Variants in AKNAD1 observed in about 807,000 individuals in gnomAD.
AKNAD1 encodes AKNA domain containing 1.
In AKNAD1, 67 loss-of-function variants were observed where a neutral mutation model predicts 90.8. The ratio of observed to expected loss-of-function variants is 0.74; its 90% CI spans 0.61 to 0.90. The LOEUF (loss-of-function observed/expected upper bound fraction) is 0.90. Among genes scored for constraint, AKNAD1 ranks in the 40% least tolerant of loss-of-function variants. The pLI is 0.00. For synonymous variants in AKNAD1, 327 were observed against 341.4 expected, an observed-to-expected ratio of 0.96 and a Z score of 0.46; for missense variants, 957 against 975.4, an observed-to-expected ratio of 0.98 and a Z score of 0.25.
chr1:108,834,434 T>C lies in AKNAD1; in HGVS notation c.1746+13A>G. 6.2e-7 allele frequency: 1 copy of C among 1,601,874 alleles called. No individual in the cohort carries two copies. Among genetic ancestry groups the C allele is most frequent in the Non-Finnish European group, 8.5e-7 (1 of 1,173,728 alleles). The stretch of plus-strand genomic sequence containing the variant: ...GAGAAGAACCCAGCCAGGCCCCGGC[T>C]GCAGGACATTACCCCAGAGTTAGAA... On this transcript the variant is annotated intron_variant, in intron 9 of 15. Coordinates refer to ENST00000370001, the MANE Select transcript of AKNAD1 (RefSeq NM_152763.5).
At chr1:108,823,521 G>A in intron 12 of AKNAD1, 44 bp from the exon 13 acceptor site, 1 of 1,611,336 alleles carries the variant, frequency 6.2e-7, no homozygotes, top group Non-Finnish European at 8.5e-7. Flanking sequence ...CCTGGGAACA[G>A]TGACTGTCCC....
At chr1:108,857,424 A>C (rs12037380), upstream of AKNAD1, 2,145 of 153,188 alleles carry the variant, frequency 0.014, 33 homozygotes, top group South Asian at 0.058. Flanking sequence ...CTCAATTAAG[A>C]ATTTCTACAG....
rs567888339 is a variant in AKNAD1 at position 108,842,582 on chromosome 1, C to T, written c.1379+552G>A. Reference sequence around the variant, plus strand: ...TTTATCAGGATTTGTAGGTCCCTCACCCTGACACCAATTAACTTTACAATG... The same window carrying T: ...TTTATCAGGATTTGTAGGTCCCTCATCCTGACACCAATTAACTTTACAATG... On this transcript the variant is annotated intron_variant, in intron 6 of 15. Transcript: ENST00000370001. Among the ~76,000 whole-genome samples the T allele has an allele frequency of 4.8e-4, 73 of 152,312 alleles. 1 individual carries two copies. The highest frequency in any genetic ancestry group is 1.7e-3 in the African/African-American group (70 of 41,572).
At chr1:108,856,442 G>A (rs1469853567) in intron 1 of AKNAD1, among the ~76,000 whole-genome samples, 5 of 152,112 alleles carry the variant, frequency 3.3e-5, no homozygotes, top group East Asian at 1.9e-4. Context: ...GCTCATGCCT[G>A]TAATCTCAGC....
At chr1:108,818,782 G>T (rs190513512) in intron 14 of AKNAD1, among the ~76,000 whole-genome samples, 217 of 151,950 alleles carry the variant, frequency 1.4e-3, no homozygotes, top group Middle Eastern at 6.8e-3. Context: ...GGTCAACATA[G>T]CGAAACCCCG....
In AKNAD1 at chr1:108,852,244, T is replaced by C. The variant is rs181722904; in HGVS notation, c.421A>G (p.Ser141Gly). The C allele has an allele frequency of 6.8e-6, 11 of 1,613,804 alleles. No homozygotes were observed. In the East Asian group the frequency reaches 2.2e-4, roughly 33 times the overall value. Residue 141 changes from serine (S) to glycine (G), a missense_variant, in exon 2 of 16, where the codon AGT (serine) becomes GGT (glycine). Ser to Gly is a moderately conservative substitution (Grantham distance 56, BLOSUM62 0). Coordinates refer to ENST00000370001, the MANE Select transcript of AKNAD1 (RefSeq NM_152763.5). ...ETLPEISNAD[S>G]FEEEAIIKSI... ...TTAATAATAGCTTCCTCTTCAAAAC[T>C]GTCGGCATTTGAGATCTCTGGGAGG...
chr1:108,841,769 G>A (rs892129762), intron 6 of AKNAD1, among the ~76,000 whole-genome samples: 2 of 152,122 alleles, frequency 1.3e-5, no homozygotes, highest in Non-Finnish European at 2.9e-5. Flanking sequence ...AGAACAAGGG[G>A]ACTATTCTGG....
At chr1:108,825,354 A>C (rs1396898744) in intron 11 of AKNAD1, among the ~76,000 whole-genome samples, 1 of 151,000 alleles carries the variant, frequency 6.6e-6, no homozygotes, top group Non-Finnish European at 1.5e-5. Context: ...ACTCACACTC[A>C]CTCTTTGGTC....
In AKNAD1 at chr1:108,824,804, A is replaced by C. The variant is rs1663942995; in HGVS notation, c.1937-1116T>G. 2.6e-5 allele frequency among the ~76,000 whole-genome samples: 4 copies of C among 151,484 alleles called. No individual in the cohort carries two copies. The Admixed American group carries it at 2.7e-4, about 10-fold the overall frequency. On this transcript the variant is annotated intron_variant, in intron 11 of 15. Transcript: ENST00000370001. ...TCAAGCAATCCTGGTTCAGCCTCCC[A>C]AAGTGCTGGGATTACAGACATAAGC...
rs1664776688 is a variant in AKNAD1 at position 108,848,897 on chromosome 1, C to T, written c.1182+15G>A. The T allele has an allele frequency of 1.9e-6, 3 of 1,599,448 alleles. No individual in the cohort carries two copies. Among genetic ancestry groups the T allele is most frequent in the South Asian group, 1.1e-5 (1 of 87,260 alleles). ...GGTTACTTATATTGTTTATAATAAGCTTTAAAAGTATTACTTTAGTCTTCA... is the reference window on the plus strand; with the variant it reads ...GGTTACTTATATTGTTTATAATAAGTTTTAAAAGTATTACTTTAGTCTTCA... On this transcript the variant is annotated intron_variant, in intron 4 of 15. Coordinates refer to ENST00000370001, the MANE Select transcript of AKNAD1 (RefSeq NM_152763.5).
intron 10 of AKNAD1, among the ~76,000 whole-genome samples, 200 bp downstream of exon 10, chr1:108,830,359 T>C (rs970273174): frequency 6.6e-6 from 1 of 152,134 alleles, no homozygotes; most frequent in East Asian, 1.9e-4. Flanking sequence ...CATGGTGATT[T>C]TGATGGTCTC....
chr1:108,828,681 C>T lies in AKNAD1; in HGVS notation c.1839-1379G>A, dbSNP rs542196769. Among the ~76,000 whole-genome samples the T allele has an allele frequency of 9.2e-5, 14 of 151,960 alleles. No homozygotes were observed. The East Asian group carries it at 2.6e-3, about 28-fold the overall frequency. On this transcript the variant is annotated intron_variant, in intron 10 of 15. Transcript: ENST00000370001. ...TGAGAAGCCAGGCTCTTTCCCTCCT[C>T]TTGGAAAAACATGCTGTCCTCTTGA... is the stretch of plus-strand genomic sequence containing the variant.
intron 6 of AKNAD1, among the ~76,000 whole-genome samples, chr1:108,840,815 A>G (rs1664531992): frequency 1.3e-5 from 2 of 152,170 alleles, no homozygotes; most frequent in South Asian, 4.1e-4. Flanking sequence ...AATATAGGAA[A>G]CTATGTTGGG....
chr1:108,829,920 T>C (rs1347199262), intron 10 of AKNAD1, among the ~76,000 whole-genome samples: 1 of 152,220 alleles, frequency 6.6e-6, no homozygotes. Flanking sequence ...CACAGATTAA[T>C]AGTTGCACCA....
Position 108,852,513 on chromosome 1 carries a change from G to T in AKNAD1, c.152C>A (p.Ala51Glu). Residue 51 changes from alanine (A) to glutamate (E), a missense_variant, in exon 2 of 16, where the codon GCA (alanine) becomes GAA (glutamate). Physicochemically the swap from Ala to Glu is moderately radical, Grantham distance 107. Transcript: ENST00000370001. ...LEVLNQIIFI[A>E]DDPQEKAMHS... ...CATAGCCTTCTCTTGAGGGTCATCT[G>T]CTATGAAAATAATTTGATTTAAGAC... 1.2e-6 allele frequency: 2 copies of T among 1,614,134 alleles called. No individual in the cohort carries two copies. Among genetic ancestry groups the T allele is most frequent in the Non-Finnish European group, 1.7e-6 (2 of 1,179,994 alleles).
At chr1:108,818,628 A>G (rs144811098) in intron 14 of AKNAD1, among the ~76,000 whole-genome samples, 1 of 152,260 alleles carries the variant, frequency 6.6e-6, no homozygotes, top group Non-Finnish European at 1.5e-5. Context: ...GGAGGCACAC[A>G]TAGGTCAAGG....
At chr1:108,851,511 A>G (rs1231753720) in intron 2 of AKNAD1, among the ~76,000 whole-genome samples, 161 bp downstream of exon 2, 1 of 152,216 alleles carries the variant, frequency 6.6e-6, no homozygotes, top group African/African-American at 2.4e-5. Context: ...TCGTGAGGAC[A>G]CTGAGAGTCG....
At chr1:108,837,343 A>G in intron 7 of AKNAD1, 1 of 516,894 alleles carries the variant, frequency 1.9e-6, no homozygotes, top group South Asian at 3.9e-5. Flanking sequence ...CTAAACTATA[A>G]AGATGTTTCA....
At chr1:108,829,564 A>T (rs1031343251) in intron 10 of AKNAD1, among the ~76,000 whole-genome samples, 1 of 152,226 alleles carries the variant, frequency 6.6e-6, no homozygotes, top group African/African-American at 2.4e-5. Flanking sequence ...GATGACTGAC[A>T]TGGTGGTTTA....
Sources: gnomAD v4.1 joint callset for allele counts (sites outside exome capture counted in the v4.1 genomes callset) on GRCh38, gnomAD v4.1.1 for gene constraint, MANE v1.5 for transcripts, NCBI Gene and HGNC (gene_info 2026-07-23, HGNC 2026-07-21) for gene names.